Variants in LINGO2 observed in about 807,000 individuals in gnomAD.
LINGO2 encodes leucine-rich repeat and immunoglobulin-like domain-containing nogo receptor-interacting protein 2.
Under a neutral mutation model 30.6 loss-of-function variants are expected in LINGO2, and 14 were observed. The observed-to-expected ratio is 0.46, with a 90% CI of 0.30 to 0.72. The LOEUF is 0.72. LINGO2 is among the 30% of genes least tolerant of loss of function. The pLI is 0.07. For missense variants in LINGO2, 729 were observed against 751.7 expected (o/e 0.97, Z 0.35); for synonymous variants, 317 against 288.5 (o/e 1.10, Z -1.00).
intron 4 of LINGO2, among the ~76,000 whole-genome samples, chr9:28,080,117 C>T (rs181722140): frequency 1.3e-5 from 2 of 152,344 alleles, no homozygotes; most frequent in Non-Finnish European, 2.9e-5. Context: ...CCAAGGCTTT[C>T]TATCTGATTC....
chr9:28,395,332 G>A (rs62555168), intron 2 of LINGO2, among the ~76,000 whole-genome samples: 13,411 of 152,254 alleles, frequency 0.088, 817 homozygotes, highest in Admixed American at 0.15. Context: ...TTCAGTGCAA[G>A]GCGTGCTGGA....
At chr9:27,938,514 A>C in the LINGO2 span, 1 of 152,218 alleles carries the variant, frequency 6.6e-6, no homozygotes, top group Non-Finnish European at 1.5e-5. Flanking sequence ...ACATGAATCC[A>C]GTGACATAGC....
intron 5 of LINGO2, among the ~76,000 whole-genome samples, chr9:27,962,584 G>A (rs1819901996): frequency 6.6e-6 from 1 of 152,224 alleles, no homozygotes; most frequent in South Asian, 2.1e-4. Flanking sequence ...GGCAAAAGTG[G>A]ATAATTTGGG....
chr9:28,860,677 CAT>C, the LINGO2 span, among the ~76,000 whole-genome samples: 41,390 of 146,890 alleles, frequency 0.28, 5,961 homozygotes, highest in East Asian at 0.41. Flanking sequence ...ATATATATTT[CAT>C]ATATATATAT....
chr9:28,999,004 G>C, the LINGO2 span, among the ~76,000 whole-genome samples: 1 of 152,080 alleles, frequency 6.6e-6, no homozygotes, highest in East Asian at 1.9e-4. Context: ...CAAACCATGA[G>C]TCAGGCACAG....
rs202227012 is a variant in LINGO2 at position 28,525,851 on chromosome 9, G to T, written c.-364-49826C>A. ...TGGGCGGATCACGAGGTCAGGAGAT[G>T]GAGACCATCCTGGCTAACGCGGTGA... On this transcript the variant is annotated intron_variant, in intron 1 of 5. Coordinates refer to ENST00000379992, the Ensembl canonical transcript of LINGO2. Among the ~76,000 whole-genome samples, 14 of 151,982 alleles carry T rather than the reference G, an allele frequency of 9.2e-5. No homozygotes were observed. In the East Asian group the frequency reaches 1.9e-3, roughly 21 times the overall value.
the LINGO2 span, among the ~76,000 whole-genome samples, chr9:28,929,395 A>C: frequency 6.6e-6 from 1 of 152,208 alleles, no homozygotes; most frequent in Non-Finnish European, 1.5e-5. Context: ...AAGGAATAAA[A>C]TGTTAGCCTC....
chr9:28,531,752 C>T (rs1405532917), intron 1 of LINGO2, among the ~76,000 whole-genome samples: 1 of 151,828 alleles, frequency 6.6e-6, no homozygotes, highest in Non-Finnish European at 1.5e-5. Flanking sequence ...TTGCCATTTA[C>T]TAAAGGCCAG....
chr9:27,955,568 T>TAC (rs1173586361), intron 5 of LINGO2, among the ~76,000 whole-genome samples: 3 of 152,204 alleles, frequency 2.0e-5, no homozygotes, highest in Non-Finnish European at 4.4e-5. Flanking sequence ...ATATAATATA[T>TAC]ACTCTTATGT....
At chr9:29,066,028 G>T in the LINGO2 span, among the ~76,000 whole-genome samples, 1 of 151,902 alleles carries the variant, frequency 6.6e-6, no homozygotes, top group Admixed American at 6.6e-5. Context: ...AGCTACTTCA[G>T]ATCTGAAATT....
At chr9:28,547,626 TAA>T (rs1822019132) in intron 1 of LINGO2, among the ~76,000 whole-genome samples, 1 of 152,154 alleles carries the variant, frequency 6.6e-6, no homozygotes, top group African/African-American at 2.4e-5. Flanking sequence ...AGCCTACCAT[TAA>T]ATAGGCAAAC....
At chr9:28,699,767 T>C in the LINGO2 span, among the ~76,000 whole-genome samples, 1 of 152,040 alleles carries the variant, frequency 6.6e-6, no homozygotes, top group East Asian at 1.9e-4. Context: ...GGGAGGTCTA[T>C]AAATGGCTGC....
chr9:28,526,430 A>G (rs1217953997), intron 1 of LINGO2, among the ~76,000 whole-genome samples: 2 of 152,316 alleles, frequency 1.3e-5, no homozygotes, highest in East Asian at 3.9e-4. Context: ...CTGTTGTAGA[A>G]TCTTAGAAAT....
intron 3 of LINGO2, among the ~76,000 whole-genome samples, chr9:28,355,235 C>T (rs1206655031): frequency 7.1e-6 from 1 of 141,382 alleles, no homozygotes; most frequent in Non-Finnish European, 1.5e-5. Context: ...CTGTCTCTAT[C>T]TCTCTCTGTC....
chr9:27,986,149 G>A (rs1821112494), intron 5 of LINGO2, among the ~76,000 whole-genome samples: 1 of 151,138 alleles, frequency 6.6e-6, no homozygotes, highest in Admixed American at 6.6e-5. Context: ...GGCTTCTGGA[G>A]GGGGAACAGG....
chr9:28,151,192 G>A (rs1827990365), intron 4 of LINGO2, among the ~76,000 whole-genome samples: 1 of 151,954 alleles, frequency 6.6e-6, no homozygotes, highest in African/African-American at 2.4e-5. Flanking sequence ...GACCAAGAGT[G>A]GTTCATTCTT....
the LINGO2 span, among the ~76,000 whole-genome samples, chr9:29,211,004 C>T: frequency 1.3e-5 from 2 of 152,136 alleles, no homozygotes; most frequent in Non-Finnish European, 2.9e-5. Flanking sequence ...TTTGCCCTTT[C>T]AGTATGTGGC....
intron 1 of LINGO2, among the ~76,000 whole-genome samples, chr9:28,565,939 C>G (rs1192267067): frequency 1.3e-5 from 2 of 152,044 alleles, no homozygotes; most frequent in Non-Finnish European, 2.9e-5. Context: ...GCTTTACACT[C>G]AATAGCTGTA....
At chr9:28,267,913 G>A (rs776132309) in intron 4 of LINGO2, among the ~76,000 whole-genome samples, 3 of 151,872 alleles carry the variant, frequency 2.0e-5, no homozygotes, top group Non-Finnish European at 2.9e-5. Context: ...TTAATCTCTC[G>A]GAGCCTTAGT....
Sources: allele counts gnomAD v4.1 joint callset (sites outside exome capture counted in the v4.1 genomes callset), GRCh38; gene constraint gnomAD v4.1.1; transcripts MANE v1.5; gene names NCBI Gene and HGNC (gene_info 2026-07-23, HGNC 2026-07-21).